Variants in CHD6 observed in about 807,000 individuals in gnomAD.
CHD6 encodes the protein chromodomain helicase DNA binding protein 6, also known as ATP-dependent chromatin remodeler CHD6.
Under a neutral mutation model 276.9 loss-of-function variants are expected in CHD6, and 50 were observed. The observed-to-expected ratio is 0.18, with a 90% CI of 0.14 to 0.23. The LOEUF (loss-of-function observed/expected upper bound fraction) is 0.23, where lower values mean the gene tolerates loss of function less well. Among genes scored for constraint, CHD6 ranks in the 10% least tolerant of loss-of-function variants. The probability of loss-of-function intolerance (pLI) is 1.00; values close to 1 mark genes in which losing one functional copy is unlikely to be tolerated. For synonymous variants in CHD6, 1,173 were observed against 1,229.3 expected (o/e 0.95, Z 0.96); for missense variants, 2,564 against 3,365.8 (o/e 0.76, Z 5.89).
intron 15 of CHD6, among the ~76,000 whole-genome samples, 191 bp from the exon 16 acceptor site, chr20:41,483,710 T>C (rs2043347457): frequency 6.6e-6 from 1 of 152,080 alleles, no homozygotes; most frequent in Non-Finnish European, 1.5e-5. Context: ...CAGGAGAGAA[T>C]GCGGGTGCTC....
intron 1 of CHD6, among the ~76,000 whole-genome samples, chr20:41,585,037 T>G (rs906634862): frequency 1.3e-5 from 2 of 151,222 alleles, no homozygotes; most frequent in Non-Finnish European, 3.0e-5. Flanking sequence ...AATGATCAAG[T>G]AAAAAAAGGA....
At chr20:41,493,721 G>C (rs1372580704) in intron 9 of CHD6, 49 bp from the exon 10 acceptor site, 3 of 1,605,610 alleles carry the variant, frequency 1.9e-6, no homozygotes, top group Admixed American at 3.4e-5. Flanking sequence ...GGTTAAAGGA[G>C]TCAGTAGTAT....
In CHD6 at chr20:41,420,730, T is replaced by G. The variant is rs200486940; in HGVS notation, c.5905A>C (p.Lys1969Gln). The change falls in exon 31 of 37, where the codon AAA becomes CAA. Residue 1969 changes from lysine to glutamine, a missense_variant. Lys to Gln is a moderately conservative substitution (Grantham distance 53). This residue lies in a region of CHD6 where 1,024 missense variants were observed against 1,047.9 expected (regional missense o/e 0.98). Transcript: ENST00000373233. ...KPKAYIPDLF[K>Q]SKTNTIAMEG... Reference sequence around the variant, plus strand: ...ATGGCGATAGTATTGGTTTTACTTTTGAACAGATCTGGGATATAAGCCTTG... The same window carrying G: ...ATGGCGATAGTATTGGTTTTACTTTGGAACAGATCTGGGATATAAGCCTTG... The G allele has an allele frequency of 5.0e-6, 8 of 1,614,262 alleles. No homozygotes were observed. The African/African-American group carries it at 1.1e-4, about 22-fold the overall frequency.
At chr20:41,613,543 C>T (rs924807976) in intron 1 of CHD6, among the ~76,000 whole-genome samples, 2 of 152,156 alleles carry the variant, frequency 1.3e-5, no homozygotes, top group Non-Finnish European at 2.9e-5. Context: ...GGGGGATAAC[C>T]CCAGGGAATG....
At chr20:41,546,462 C>A (rs1458633314) in intron 2 of CHD6, among the ~76,000 whole-genome samples, 2 of 152,120 alleles carry the variant, frequency 1.3e-5, no homozygotes, top group African/African-American at 4.8e-5. Context: ...GGTCCCAAAG[C>A]CCTCTTACCC....
At chr20:41,518,159 A>T (rs1358845165) in intron 3 of CHD6, among the ~76,000 whole-genome samples, 1 of 152,214 alleles carries the variant, frequency 6.6e-6, no homozygotes, top group Non-Finnish European at 1.5e-5. Flanking sequence ...TCTTCTGTAC[A>T]ATCTTAAATC....
At chr20:41,572,449 A>G (rs1350991426) in intron 1 of CHD6, among the ~76,000 whole-genome samples, 1 of 152,092 alleles carries the variant, frequency 6.6e-6, no homozygotes. Flanking sequence ...CACACACACA[A>G]TAGCCTCCTG....
intron 1 of CHD6, among the ~76,000 whole-genome samples, chr20:41,553,131 G>A (rs2045170634): frequency 6.6e-6 from 1 of 152,092 alleles, no homozygotes; most frequent in African/African-American, 2.4e-5. Flanking sequence ...TAAATTATCA[G>A]ACCCCAGAAA....
At chr20:41,540,500 A>G (rs1305999763) in intron 2 of CHD6, among the ~76,000 whole-genome samples, 1 of 152,254 alleles carries the variant, frequency 6.6e-6, no homozygotes, top group African/African-American at 2.4e-5. Flanking sequence ...CTGTTTTACC[A>G]GACAATCCAT....
chr20:41,483,065 A>T (rs2043330580), intron 16 of CHD6, among the ~76,000 whole-genome samples: 1 of 150,726 alleles, frequency 6.6e-6, no homozygotes, highest in African/African-American at 2.4e-5. Context: ...AATATGTGGA[A>T]TTTTTTTTTT....
chr20:41,546,074 CT>C (rs1443092413), intron 2 of CHD6, among the ~76,000 whole-genome samples: 1 of 152,120 alleles, frequency 6.6e-6, no homozygotes, highest in Non-Finnish European at 1.5e-5. Flanking sequence ...TGAGAAATTG[CT>C]TTAGTTACTA....
intron 5 of CHD6, among the ~76,000 whole-genome samples, chr20:41,505,681 A>G (rs1212344704): frequency 1.3e-5 from 2 of 152,170 alleles, no homozygotes; most frequent in South Asian, 2.1e-4. Flanking sequence ...TTACCGGAGC[A>G]GTCTAGGGCC....
intron 1 of CHD6, among the ~76,000 whole-genome samples, chr20:41,567,468 T>C (rs2045368458): frequency 6.6e-6 from 1 of 152,064 alleles, no homozygotes; most frequent in Non-Finnish European, 1.5e-5. Flanking sequence ...TCCTTGGTTG[T>C]GTAGTTCCAG....
Position 41,444,274 on chromosome 20 carries a change from A to G in CHD6, c.3877+1391T>C, listed in dbSNP as rs553208096. The stretch of plus-strand genomic sequence containing the variant: ...GCTGAGTTCTATCCCTGCACTGTCC[A>G]ACAGAGGAGCCACTAGCTACATGGG... On this transcript the variant is annotated intron_variant, in intron 25 of 36. Transcript: ENST00000373233. Among the ~76,000 whole-genome samples the G allele has an allele frequency of 6.6e-5, 10 of 152,352 alleles. 1 individual carries two copies. Among genetic ancestry groups the G allele is most frequent in the African/African-American group, 2.4e-4 (10 of 41,578 alleles).
rs140143834 is a variant in CHD6, at chr20:41,420,810, T to A, written c.5825A>T (p.His1942Leu). Reference sequence around the variant, plus strand: ...GAGGCCATGCATCCACCTCTCCATGTGTTTGCAGTGGCACTGACAGGCTGC... The same window carrying A: ...GAGGCCATGCATCCACCTCTCCATGAGTTTGCAGTGGCACTGACAGGCTGC... Reference protein sequence around the residue: ...APAACQCHCKHMERWMHGLEN... With the variant: ...APAACQCHCKLMERWMHGLEN... The change falls in exon 31 of 37, where the codon CAC becomes CTC. Residue 1942 changes from histidine (H) to leucine (L), a missense_variant. His to Leu is a moderately conservative substitution (Grantham distance 99, BLOSUM62 -3). This residue lies in a region of CHD6 where 1,024 missense variants were observed against 1,047.9 expected (regional missense o/e 0.98). Transcript: ENST00000373233. 4.7e-3 allele frequency: 7,657 copies of A among 1,614,214 alleles called. 55 individuals carry two copies. The highest frequency in any genetic ancestry group is 0.047 in the Middle Eastern group (286 of 6,062).
chr20:41,522,451 G>T (rs2146014365), intron 3 of CHD6, among the ~76,000 whole-genome samples: 2 of 152,322 alleles, frequency 1.3e-5, no homozygotes, highest in South Asian at 4.1e-4. Flanking sequence ...GGAGAAAGAT[G>T]TGAAGAGAAG....
chr20:41,491,847 G>A (rs747619534), intron 10 of CHD6, 28 bp from the exon 11 acceptor site: 2 of 1,611,914 alleles, frequency 1.2e-6, no homozygotes. Flanking sequence ...CAGCATAATA[G>A]ATAGAGAATG....
chr20:41,409,669 A>C (rs571472938), intron 36 of CHD6, among the ~76,000 whole-genome samples: 1 of 152,098 alleles, frequency 6.6e-6, no homozygotes, highest in African/African-American at 2.4e-5. Context: ...AAACACAACA[A>C]CCAGCTCTAA....
intron 1 of CHD6, among the ~76,000 whole-genome samples, chr20:41,604,040 G>A (rs2045801543): frequency 6.6e-6 from 1 of 150,874 alleles, no homozygotes; most frequent in Non-Finnish European, 1.5e-5. Context: ...TAGGTAGGGG[G>A]TGTCAGGGAG....
Sources: gnomAD v4.1 joint callset for allele counts (sites outside exome capture counted in the v4.1 genomes callset) on GRCh38, gnomAD v4.1.1 for gene constraint, gnomAD v4.1.1 regional missense constraint, MANE v1.5 for transcripts, NCBI Gene and HGNC (gene_info 2026-07-23, HGNC 2026-07-21) for gene names.